The following TRPC5 variants were observed in gnomAD, a reference collection of about 807,000 sequenced individuals.
The protein encoded by TRPC5 is short transient receptor potential channel 5.
In TRPC5, 9 loss-of-function variants were observed where a neutral mutation model predicts 56.5. The observed-to-expected ratio is 0.16, with a 90% CI of 0.10 to 0.28. The LOEUF (loss-of-function observed/expected upper bound fraction) is 0.28, where lower values mean the gene tolerates loss of function less well. Ranked by LOEUF, TRPC5 falls within the 10% of genes least tolerant of loss-of-function variation. The probability of loss-of-function intolerance (pLI) is 1.00; values close to 1 mark genes in which losing one functional copy is unlikely to be tolerated. For missense variants in TRPC5, 469 were observed against 748.9 expected (o/e 0.63, Z 4.36); for synonymous variants, 282 against 278.5 (o/e 1.01, Z -0.13).
chrX:112,055,916 G>A (rs1053965051), intron 1 of TRPC5, among the ~76,000 whole-genome samples: 1 of 110,103 alleles, frequency 9.1e-6, no homozygotes, highest in African/African-American at 3.3e-5. Context: ...ACATTGAAAG[G>A]GCTTTTTCTG....
chrX:111,888,149 A>G (rs1924594937), intron 3 of TRPC5, among the ~76,000 whole-genome samples: 1 of 111,687 alleles, frequency 9.0e-6, no homozygotes, highest in Non-Finnish European at 1.9e-5. Context: ...TAAAGAACCT[A>G]AAGAGGAAGT....
intron 10 of TRPC5, 70 bp downstream of exon 10, chrX:111,778,915 C>T (rs975319470): frequency 6.4e-6 from 5 of 779,032 alleles, no homozygotes; most frequent in Non-Finnish European, 9.4e-6. Context: ...CACCAGAAAC[C>T]TCACACACTG....
chrX:111,929,970 A>T (rs140283006), intron 2 of TRPC5, among the ~76,000 whole-genome samples: 30 of 111,801 alleles, frequency 2.7e-4, no homozygotes, highest in African/African-American at 9.4e-4. Context: ...CTCCTAACAG[A>T]TACAGTAACA....
intron 1 of TRPC5, among the ~76,000 whole-genome samples, chrX:112,043,897 T>A (rs1451114330): frequency 3.6e-5 from 4 of 111,334 alleles, no homozygotes; most frequent in African/African-American, 1.3e-4. Context: ...ATATTTAGAG[T>A]AAAGTGGAAA....
chrX:111,807,097 A>G (rs751474879), intron 7 of TRPC5, among the ~76,000 whole-genome samples: 1 of 111,461 alleles, frequency 9.0e-6, no homozygotes, highest in African/African-American at 3.3e-5. Flanking sequence ...CTTGTACTTG[A>G]ATATTAATAT....
chrX:111,947,003 T>A (rs753463458), intron 2 of TRPC5, among the ~76,000 whole-genome samples: 1 of 111,506 alleles, frequency 9.0e-6, no homozygotes, highest in East Asian at 2.9e-4. Context: ...TCTGGGGAAA[T>A]GGGGAATAAA....
At chrX:112,018,869 T>C (rs1929195056) in intron 1 of TRPC5, among the ~76,000 whole-genome samples, 1 of 111,993 alleles carries the variant, frequency 8.9e-6, no homozygotes, top group African/African-American at 3.3e-5. Context: ...GGTTTTCTTC[T>C]AGCTGTTGGC....
chrX:111,940,596 C>G (rs1318348298), intron 2 of TRPC5, among the ~76,000 whole-genome samples: 1 of 104,598 alleles, frequency 9.6e-6, no homozygotes, highest in Admixed American at 1.1e-4. Flanking sequence ...GAGGCTGAGG[C>G]AGGAGAATGG....
rs761944865 is a variant in TRPC5, at chrX:111,906,742, G to A, written c.900+5549C>T. 1.2e-4 allele frequency among the ~76,000 whole-genome samples: 13 copies of A among 111,425 alleles called. No individual in the cohort carries two copies. In the East Asian group the frequency reaches 2.8e-3, roughly 24 times the overall value. On this transcript the variant is annotated intron_variant, in intron 3 of 10. Coordinates refer to ENST00000262839, the MANE Select transcript of TRPC5 (RefSeq NM_012471.3). ...TTGATGCTTCTCCCCCACAAACCTC[G>A]ACTCATCGAGAAAAATTCCATTTGT...
At chrX:111,896,109 A>G (rs1397576047) in intron 3 of TRPC5, 1 of 111,157 alleles carries the variant, frequency 9.0e-6, no homozygotes, top group African/African-American at 3.3e-5. Flanking sequence ...AAGAAAAACT[A>G]GCCCTGCATT....
intron 2 of TRPC5, among the ~76,000 whole-genome samples, chrX:111,917,445 T>A (rs2148622748): frequency 8.9e-6 from 1 of 112,199 alleles, no homozygotes; most frequent in East Asian, 2.8e-4. Context: ...GGAGAAGAAA[T>A]CAAGGGTATT....
chrX:111,911,710 C>G (rs758813667), intron 3 of TRPC5, among the ~76,000 whole-genome samples: 39 of 112,241 alleles, frequency 3.5e-4, no homozygotes, highest in African/African-American at 1.2e-3. Context: ...CCTGCTTCAG[C>G]CTTTCATTGA....
At chrX:111,866,405 C>T (rs749922381) in intron 3 of TRPC5, among the ~76,000 whole-genome samples, 195 of 113,366 alleles carry the variant, frequency 1.7e-3, no homozygotes, top group Admixed American at 3.0e-3. Context: ...TATGGAATCC[C>T]CCTGTTTAAT....
intron 1 of TRPC5, among the ~76,000 whole-genome samples, chrX:112,073,898 C>T (rs950003677): frequency 8.9e-6 from 1 of 112,012 alleles, no homozygotes; most frequent in Non-Finnish European, 1.9e-5. Context: ...ACACATCACA[C>T]AGCCATTCAA....
At chrX:111,964,097 A>G (rs1227516826) in intron 1 of TRPC5, among the ~76,000 whole-genome samples, 1 of 111,826 alleles carries the variant, frequency 8.9e-6, no homozygotes, top group East Asian at 2.8e-4. Flanking sequence ...ACGAATGGAT[A>G]CCTAGAATAA....
intron 1 of TRPC5, among the ~76,000 whole-genome samples, chrX:111,968,418 A>C (rs373906071): frequency 2.7e-5 from 3 of 111,523 alleles, no homozygotes; most frequent in East Asian, 2.8e-4. Context: ...TCGGTGTGGC[A>C]ATTCCTCAGG....
At chrX:111,960,490 A>G (rs191379289) in intron 1 of TRPC5, among the ~76,000 whole-genome samples, 58 of 112,445 alleles carry the variant, frequency 5.2e-4, no homozygotes, top group Middle Eastern at 4.6e-3. Flanking sequence ...GGGGGATTTT[A>G]AATCTGTTGC....
intron 1 of TRPC5, among the ~76,000 whole-genome samples, chrX:111,961,652 G>C (rs1425482801): frequency 8.9e-6 from 1 of 112,275 alleles, no homozygotes; most frequent in Non-Finnish European, 1.9e-5. Context: ...GAAGCTGAGA[G>C]AGATATTTCT....
At chrX:111,820,857 A>T (rs1432013815) in intron 7 of TRPC5, among the ~76,000 whole-genome samples, 1 of 112,455 alleles carries the variant, frequency 8.9e-6, no homozygotes, top group Non-Finnish European at 1.9e-5. Context: ...ATCCTGGTTA[A>T]GGATGGAGAG....
Sources: allele counts gnomAD v4.1 joint callset (sites outside exome capture counted in the v4.1 genomes callset), GRCh38; gene constraint gnomAD v4.1.1; transcripts MANE v1.5; gene names NCBI Gene and HGNC (gene_info 2026-07-23, HGNC 2026-07-21).